Variants in EIF5A2 observed in about 807,000 individuals in gnomAD.
The protein encoded by EIF5A2 is eukaryotic translation initiation factor 5A-2.
In EIF5A2, 15 loss-of-function variants were observed where a neutral mutation model predicts 16.4. The observed-to-expected ratio is 0.92, with a 90% CI of 0.61 to 1.41. EIF5A2 has a LOEUF of 1.41. EIF5A2 is among the 40% of genes most tolerant of loss of function. EIF5A2 has a pLI of 0.00. For synonymous variants in EIF5A2, 48 were observed against 61.1 expected (o/e 0.79, Z 1.00); for missense variants, 144 against 189.5 (o/e 0.76, Z 1.41).
intron 3 of EIF5A2, among the ~76,000 whole-genome samples, chr3:170,897,685 C>T (rs1712707801): frequency 1.3e-5 from 2 of 152,360 alleles, no homozygotes; most frequent in South Asian, 2.1e-4. Flanking sequence ...AAGTCTGCTG[C>T]AGGGGCAGAG....
intron 3 of EIF5A2, among the ~76,000 whole-genome samples, chr3:170,895,225 A>G (rs1429913596): frequency 6.6e-6 from 1 of 152,036 alleles, no homozygotes; most frequent in African/African-American, 2.4e-5. Flanking sequence ...TTGCTATTAC[A>G]AACAATGCAT....
intron 3 of EIF5A2, among the ~76,000 whole-genome samples, chr3:170,904,047 G>A (rs1270651587): frequency 6.6e-6 from 1 of 152,184 alleles, no homozygotes; most frequent in African/African-American, 2.4e-5. Context: ...TATGATTCCA[G>A]AGAGTGCTAA....
Position 170,893,303 on chromosome 3 carries a change from C to A in EIF5A2, c.*57G>T. The A allele has an allele frequency of 6.3e-7, 1 of 1,582,454 alleles. No individual in the cohort carries two copies. The highest frequency in any genetic ancestry group is 8.6e-7 in the Non-Finnish European group (1 of 1,160,086). ...TATAGCTTTGGTGACAACTTAGAAC[C>A]AAATTAGATCTGCAGTTGATTCAGA... is the stretch of plus-strand genomic sequence containing the variant. On this transcript the variant is annotated 3_prime_UTR_variant, in exon 5 of 5. Coordinates refer to ENST00000295822, the MANE Select transcript of EIF5A2 (RefSeq NM_020390.6).
intron 3 of EIF5A2, among the ~76,000 whole-genome samples, chr3:170,900,775 A>G (rs1712790330): frequency 6.6e-6 from 1 of 152,192 alleles, no homozygotes; most frequent in African/African-American, 2.4e-5. Flanking sequence ...CTACACGCAC[A>G]GACACTGGTA....
At chr3:170,898,172 G>A (rs185874139) in intron 3 of EIF5A2, among the ~76,000 whole-genome samples, 1 of 152,280 alleles carries the variant, frequency 6.6e-6, no homozygotes, top group East Asian at 1.9e-4. Flanking sequence ...AGGCTCATAG[G>A]CGGAAGGGAC....
rs548460240 is a variant in EIF5A2 at position 170,896,335 on chromosome 3, G to A, written c.271-1912C>T. 7.9e-5 allele frequency among the ~76,000 whole-genome samples: 12 copies of A among 152,168 alleles called. No homozygotes were observed. The South Asian group carries it at 1.2e-3, about 16-fold the overall frequency. On this transcript the variant is annotated intron_variant, in intron 3 of 4. Coordinates refer to ENST00000295822, the MANE Select transcript of EIF5A2 (RefSeq NM_020390.6). ...GTTTTCAAAAATAAAACTAAGCTACGAAAAACAAAAATAATGAGAATGAAT... is the reference window on the plus strand; with the variant it reads ...GTTTTCAAAAATAAAACTAAGCTACAAAAAACAAAAATAATGAGAATGAAT...
At position 170,907,105 on chromosome 3, in the gene EIF5A2, G is replaced by C; in HGVS notation, c.166-12C>G. ...CCAACAAGGTGAACCTAACAGAGGA[G>C]AACAGGAAACCTGTTTAATCTCTGC... is the stretch of plus-strand genomic sequence containing the variant. On this transcript the variant is annotated splice_polypyrimidine_tract_variant and intron_variant, in intron 2 of 4. Transcript: ENST00000295822. 1 of 1,583,342 alleles carries C rather than the reference G, an allele frequency of 6.3e-7. No homozygotes were observed. The highest frequency in any genetic ancestry group is 8.7e-7 in the Non-Finnish European group (1 of 1,155,062).
rs754934678 is a variant in EIF5A2, at chr3:170,907,782, T to C, written c.25A>G (p.Thr9Ala). MADEIDFT[T>A]GDAGASSTYP... ...GTGCTGGAAGCCCCGGCATCTCCAGTAGTGAAATCAATTTCGTCTGCCATG... is the reference window on the plus strand; with the variant it reads ...GTGCTGGAAGCCCCGGCATCTCCAGCAGTGAAATCAATTTCGTCTGCCATG... The change falls in exon 2 of 5, where the codon ACT becomes GCT. Residue 9 changes from threonine to alanine, a missense_variant. Physicochemically the swap from Thr to Ala is moderately conservative, Grantham distance 58 (BLOSUM62 0). Coordinates refer to ENST00000295822, the MANE Select transcript of EIF5A2 (RefSeq NM_020390.6). 5 of 1,557,624 alleles carry C rather than the reference T, an allele frequency of 3.2e-6. No individual in the cohort carries two copies. The highest frequency in any genetic ancestry group is 4.4e-6 in the Non-Finnish European group (5 of 1,139,392).
At chr3:170,905,852 G>A (rs1712922550) in intron 3 of EIF5A2, among the ~76,000 whole-genome samples, 1 of 151,906 alleles carries the variant, frequency 6.6e-6, no homozygotes, top group Admixed American at 6.6e-5. Context: ...CATCCAACTA[G>A]AAAGTGACAG....
chr3:170,893,505 T>A, intron 4 of EIF5A2, 86 bp from the exon 5 acceptor site: 2 of 1,418,536 alleles, frequency 1.4e-6, no homozygotes, highest in Non-Finnish European at 1.9e-6. Context: ...TGTATATTTG[T>A]GGATATTTTG....
Position 170,890,331 on chromosome 3 carries a change from C to CT in EIF5A2, c.*3028dup, listed in dbSNP as rs1252789566. 2 of 151,990 alleles carry CT rather than the reference C, an allele frequency of 1.3e-5. No homozygotes were observed. Among genetic ancestry groups the CT allele is most frequent in the African/African-American group, 4.8e-5 (2 of 41,394 alleles). 9.4% of individuals were successfully genotyped at this position (151,990 alleles called of 1,614,324 possible). On this transcript the variant is annotated 3_prime_UTR_variant, in exon 5 of 5. Transcript: ENST00000295822. The stretch of plus-strand genomic sequence containing the variant: ...AAATTGTGTCTCCAAATTTTACAGC[C>CT]TAATCATTTTATTGCAGTATCTCCT...
At position 170,907,098 on chromosome 3, in the gene EIF5A2, C is replaced by A; in HGVS notation, c.166-5G>T. 8 of 1,595,422 alleles carry A rather than the reference C, an allele frequency of 5.0e-6. No individual in the cohort carries two copies. Among genetic ancestry groups the A allele is most frequent in the Non-Finnish European group, 6.9e-6 (8 of 1,165,248 alleles). ...ATCAATTCCAACAAGGTGAACCTAA[C>A]AGAGGAGAACAGGAAACCTGTTTAA... is the stretch of plus-strand genomic sequence containing the variant. On this transcript the variant is annotated splice_region_variant and splice_polypyrimidine_tract_variant and intron_variant, in intron 2 of 4. Coordinates refer to ENST00000295822, the MANE Select transcript of EIF5A2 (RefSeq NM_020390.6).
chr3:170,900,550 CAA>C (rs1195311939), intron 3 of EIF5A2, among the ~76,000 whole-genome samples: 2 of 152,000 alleles, frequency 1.3e-5, no homozygotes, highest in Non-Finnish European at 2.9e-5. Flanking sequence ...CAAAGGGACT[CAA>C]GAGCTAACTT....
chr3:170,894,104 A>C, intron 4 of EIF5A2, among the ~76,000 whole-genome samples, 188 bp downstream of exon 4: 1 of 152,168 alleles, frequency 6.6e-6, no homozygotes, highest in East Asian at 1.9e-4. Flanking sequence ...TGTAGCAAAA[A>C]TGAACTTTGA....
At chr3:170,893,565 CAGTTTTCTAA>C in intron 4 of EIF5A2, 146 bp from the exon 5 acceptor site, 1 of 827,500 alleles carries the variant, frequency 1.2e-6, no homozygotes, top group Non-Finnish European at 1.8e-6. Context: ...ACTTTCTTTA[CAGTTTTCTAA>C]AGCAGAATTT....
chr3:170,899,979 A>T (rs1712768849), intron 3 of EIF5A2, among the ~76,000 whole-genome samples: 2 of 151,538 alleles, frequency 1.3e-5, no homozygotes, highest in Admixed American at 6.6e-5. Context: ...GCAAGCAGGG[A>T]GACAGCAGAG....
chr3:170,905,225 C>T (rs897525507), intron 3 of EIF5A2, among the ~76,000 whole-genome samples: 9 of 152,178 alleles, frequency 5.9e-5, no homozygotes, highest in Non-Finnish European at 1.2e-4. Flanking sequence ...GCCTTGAGCT[C>T]CTATATGGCT....
At position 170,888,607 on chromosome 3, in the gene EIF5A2, C is replaced by A. The variant is rs192461100; in HGVS notation, c.*4753G>T. The A allele has an allele frequency of 6.6e-6, 1 of 152,232 alleles. No individual in the cohort carries two copies. Among genetic ancestry groups the A allele is most frequent in the African/African-American group, 2.4e-5 (1 of 41,312 alleles). The allele number at this position is 152,232 out of a possible 1,614,324, so 9.4% of individuals were successfully genotyped here. A position where few individuals can be genotyped will look rare whatever the true frequency, so the allele number is the denominator to read the frequency against. Reference sequence around the variant, plus strand: ...TGTACAATTAGTAATACCCATACTACGTATTTTAGAATTTTAAAGTTTTAG... The same window carrying A: ...TGTACAATTAGTAATACCCATACTAAGTATTTTAGAATTTTAAAGTTTTAG... On this transcript the variant is annotated 3_prime_UTR_variant, in exon 5 of 5. Coordinates refer to ENST00000295822, the MANE Select transcript of EIF5A2 (RefSeq NM_020390.6).
intron 3 of EIF5A2, among the ~76,000 whole-genome samples, chr3:170,898,991 T>C (rs904672049): frequency 2.6e-5 from 4 of 152,198 alleles, no homozygotes; most frequent in Non-Finnish European, 5.9e-5. Context: ...AACAAGGATA[T>C]ACTCTTAGAT....
Sources: allele counts gnomAD v4.1 joint callset (sites outside exome capture counted in the v4.1 genomes callset), GRCh38; gene constraint gnomAD v4.1.1; transcripts MANE v1.5; gene names NCBI Gene and HGNC (gene_info 2026-07-23, HGNC 2026-07-21).